Variants in INPP4B observed in about 807,000 individuals in gnomAD.
INPP4B encodes the protein inositol polyphosphate-4-phosphatase type II B.
A neutral mutation model predicts 122.5 loss-of-function variants in INPP4B; 55 were observed. The ratio of observed to expected loss-of-function variants is 0.45; its 90% CI spans 0.36 to 0.56. The LOEUF (loss-of-function observed/expected upper bound fraction) is 0.56. INPP4B is among the 20% of genes least tolerant of loss of function. The pLI, the probability that INPP4B is intolerant of heterozygous loss-of-function variation, is 0.00. For missense variants in INPP4B, 1,000 were observed against 1,097.7 expected (o/e 0.91, Z 1.26); for synonymous variants, 403 against 388.7 (o/e 1.04, Z -0.43).
intron 25 of INPP4B, among the ~76,000 whole-genome samples, chr4:142,052,380 C>T (rs1270015591): frequency 6.6e-6 from 1 of 151,908 alleles, no homozygotes; most frequent in Non-Finnish European, 1.5e-5. Flanking sequence ...AAAATTGCTA[C>T]CTGAAGTATA....
chr4:142,376,485 G>A (rs561431564), intron 7 of INPP4B, among the ~76,000 whole-genome samples: 1 of 152,154 alleles, frequency 6.6e-6, no homozygotes, highest in East Asian at 1.9e-4. Context: ...AAGGTCATCA[G>A]AGCATTTTGG....
chr4:142,245,929 T>C (rs537849693), intron 11 of INPP4B, among the ~76,000 whole-genome samples: 3 of 32,418 alleles, frequency 9.3e-5, no homozygotes, highest in East Asian at 2.1e-3. Context: ...TGTGTATGTA[T>C]ACATATATGT....
intron 2 of INPP4B, among the ~76,000 whole-genome samples, chr4:142,621,823 T>C (rs1457096779): frequency 6.6e-6 from 1 of 151,698 alleles, no homozygotes; most frequent in Non-Finnish European, 1.5e-5. Flanking sequence ...ATATAAACAA[T>C]AATATTTAAC....
chr4:142,749,432 C>A (rs1416726834), intron 1 of INPP4B, among the ~76,000 whole-genome samples: 1 of 149,620 alleles, frequency 6.7e-6, no homozygotes, highest in Non-Finnish European at 1.5e-5. Context: ...TCAAAAGAGT[C>A]AAACTTACAA....
intron 12 of INPP4B, among the ~76,000 whole-genome samples, chr4:142,232,948 A>C (rs1023680591): frequency 1.3e-5 from 2 of 152,182 alleles, no homozygotes; most frequent in Admixed American, 1.3e-4. Context: ...AATTCTATAA[A>C]GGCTGAGAGA....
intron 9 of INPP4B, among the ~76,000 whole-genome samples, chr4:142,302,182 G>C (rs1761712399): frequency 6.6e-6 from 1 of 152,006 alleles, no homozygotes; most frequent in East Asian, 1.9e-4. Flanking sequence ...TAAACTAACA[G>C]GCCCTTTCAC....
intron 17 of INPP4B, among the ~76,000 whole-genome samples, chr4:142,146,897 C>A (rs912053386): frequency 1.3e-5 from 2 of 152,172 alleles, no homozygotes; most frequent in African/African-American, 2.4e-5. Context: ...CTTCCCAGTT[C>A]TCATTAGTAG....
chr4:142,689,321 A>T (rs2150715549), intron 2 of INPP4B, among the ~76,000 whole-genome samples: 1 of 152,286 alleles, frequency 6.6e-6, no homozygotes, highest in African/African-American at 2.4e-5. Flanking sequence ...TCTCCACTAC[A>T]AAGAAACAAA....
chr4:142,139,151 G>C (rs561531410), intron 18 of INPP4B, among the ~76,000 whole-genome samples: 1 of 152,246 alleles, frequency 6.6e-6, no homozygotes, highest in South Asian at 2.1e-4. Context: ...ACAGTGACTG[G>C]AACAGGGTAA....
intron 3 of INPP4B, among the ~76,000 whole-genome samples, chr4:142,449,150 A>T (rs1348514982): frequency 6.6e-6 from 1 of 152,186 alleles, no homozygotes; most frequent in Non-Finnish European, 1.5e-5. Context: ...CTCCAGTATG[A>T]CAAAATATCC....
intron 21 of INPP4B, among the ~76,000 whole-genome samples, chr4:142,117,982 T>A (rs9999840): frequency 0.13 from 20,055 of 151,822 alleles, 1,457 homozygotes; most frequent in East Asian, 0.23. Flanking sequence ...AATAACAAGC[T>A]TTACTATACA....
At chr4:142,481,266 A>C (rs928842251) in intron 2 of INPP4B, among the ~76,000 whole-genome samples, 1 of 152,032 alleles carries the variant, frequency 6.6e-6, no homozygotes, top group Non-Finnish European at 1.5e-5. Context: ...AGGGAGAGGT[A>C]GAAGAAAATA....
chr4:142,520,912 C>CAT (rs1401442921), intron 2 of INPP4B, among the ~76,000 whole-genome samples: 3 of 151,922 alleles, frequency 2.0e-5, no homozygotes, highest in African/African-American at 7.2e-5. Context: ...TACCATTGAC[C>CAT]TTATGATCTT....
intron 2 of INPP4B, among the ~76,000 whole-genome samples, chr4:142,540,730 T>C (rs749923817): frequency 6.6e-6 from 1 of 152,140 alleles, no homozygotes; most frequent in Non-Finnish European, 1.5e-5. Context: ...TTTTATTTTA[T>C]GCACTGTAAG....
chr4:142,721,626 T>A (rs1441008936), intron 2 of INPP4B, among the ~76,000 whole-genome samples: 2 of 152,122 alleles, frequency 1.3e-5, no homozygotes, highest in Non-Finnish European at 2.9e-5. Context: ...ATCGACACTA[T>A]CCTGGCTAAC....
chr4:142,455,308 C>A (rs189322696), intron 3 of INPP4B, among the ~76,000 whole-genome samples: 3 of 152,078 alleles, frequency 2.0e-5, no homozygotes, highest in Admixed American at 2.0e-4. Flanking sequence ...CCACCTGCCC[C>A]TAAAGATACT....
intron 7 of INPP4B, among the ~76,000 whole-genome samples, chr4:142,382,595 AAT>A (rs556911593): frequency 7.4e-5 from 10 of 135,552 alleles, no homozygotes; most frequent in African/African-American, 2.2e-4. Flanking sequence ...ATATACTATA[AAT>A]ATATATATTT....
At chr4:142,392,960 C>G (rs1798215076) in intron 7 of INPP4B, among the ~76,000 whole-genome samples, 1 of 152,142 alleles carries the variant, frequency 6.6e-6, no homozygotes, top group Non-Finnish European at 1.5e-5. Flanking sequence ...ATACTCCAAA[C>G]TTAGTATTAT....
At chr4:142,080,959 T>C (rs186098338) in intron 25 of INPP4B, among the ~76,000 whole-genome samples, 32 of 152,312 alleles carry the variant, frequency 2.1e-4, no homozygotes, top group Non-Finnish European at 3.8e-4. Flanking sequence ...ATGGCTGAGA[T>C]GTTCATGTCA....
Sources: gnomAD v4.1 joint callset for allele counts (sites outside exome capture counted in the v4.1 genomes callset) on GRCh38, gnomAD v4.1.1 for gene constraint, MANE v1.5 for transcripts, NCBI Gene and HGNC (gene_info 2026-07-23, HGNC 2026-07-21) for gene names.